Variants in DLC1 observed in about 807,000 individuals in gnomAD.
DLC1 encodes rho GTPase-activating protein 7.
Under a neutral mutation model 140.3 loss-of-function variants are expected in DLC1, and 54 were observed. That is an observed-to-expected ratio of 0.38 (90% CI 0.31 to 0.48). The LOEUF is 0.48. Among genes scored for constraint, DLC1 ranks in the 20% least tolerant of loss-of-function variants. The pLI is 0.96. For missense variants in DLC1, 2,536 were observed against 1,907.0 expected, an observed-to-expected ratio of 1.33 and a Z score of -6.14; for synonymous variants, 986 against 728.1, an observed-to-expected ratio of 1.35 and a Z score of -5.70.
intron 2 of DLC1, among the ~76,000 whole-genome samples, chr8:13,431,511 A>AAAAAAAAAAAAAAAAAC (rs1838868253): frequency 7.6e-6 from 1 of 132,092 alleles, no homozygotes; most frequent in African/African-American, 2.8e-5. Flanking sequence ...AAAAAAAAAA[A>AAAAAAAAAAAAAAAAAC]AAAAGAAAAG....
At chr8:13,413,478 CTCTG>C (rs1837899455) in intron 2 of DLC1, among the ~76,000 whole-genome samples, 1 of 125,482 alleles carries the variant, frequency 8.0e-6, no homozygotes, top group African/African-American at 2.8e-5. Flanking sequence ...AAAATTATTT[CTCTG>C]TGTGTGTGTG....
At chr8:13,554,408 C>A (rs1585269105) in intron 1 of DLC1, among the ~76,000 whole-genome samples, 1 of 152,108 alleles carries the variant, frequency 6.6e-6, no homozygotes, top group Non-Finnish European at 1.5e-5. Context: ...CTTCTAGGTT[C>A]CTCCCCTTGG....
intron 1 of DLC1, among the ~76,000 whole-genome samples, chr8:13,555,316 C>G (rs113959830): frequency 3.9e-5 from 6 of 152,072 alleles, no homozygotes; most frequent in African/African-American, 1.2e-4. Flanking sequence ...ATGAGGACAG[C>G]CTTTCTTGTA....
chr8:13,431,482 CAAAAAAAAAAAAA>C (rs56057254), intron 2 of DLC1, among the ~76,000 whole-genome samples: 20 of 40,602 alleles, frequency 4.9e-4, no homozygotes, highest in South Asian at 1.5e-3. Context: ...GACTCCGTCT[CAAAAAAAAAAAAA>C]AAAAAAAAAA....
In DLC1 at chr8:13,499,105, C is replaced by A. The variant is rs1327528566; in HGVS notation, c.967G>T (p.Glu323Ter). Residue 323 changes from glutamate to a stop codon, truncating the protein, a stop_gained, in exon 2 of 18, where the codon GAG becomes TAG. Coordinates refer to ENST00000276297, the MANE Select transcript of DLC1 (RefSeq NM_182643.3). LOFTEE classifies it high-confidence loss of function. ...GTGGGTTCCTGGGTGGCCAGGGTCT[C>A]CTTTAATTGTAAACACTGCATGCCA... is the stretch of plus-strand genomic sequence containing the variant. ...EDGMQCLQLK[E>*]TLATQEPTDN... 14 of 1,614,010 alleles carry A rather than the reference C, an allele frequency of 8.7e-6. No homozygotes were observed. Among genetic ancestry groups the A allele is most frequent in the Non-Finnish European group, 1.1e-5 (13 of 1,180,004 alleles).
At chr8:13,261,670 T>C (rs1348901738) in intron 5 of DLC1, among the ~76,000 whole-genome samples, 2 of 152,004 alleles carry the variant, frequency 1.3e-5, no homozygotes, top group East Asian at 1.9e-4. Flanking sequence ...AGCGTCTAGA[T>C]GCATTTGCAG....
intron 5 of DLC1, among the ~76,000 whole-genome samples, chr8:13,155,509 T>A (rs1824190277): frequency 6.6e-6 from 1 of 152,118 alleles, no homozygotes; most frequent in Non-Finnish European, 1.5e-5. Flanking sequence ...TTCACCAAAG[T>A]AGGTATCTTC....
intron 10 of DLC1, among the ~76,000 whole-genome samples, chr8:13,098,111 G>A (rs1471593898): frequency 6.8e-6 from 1 of 146,060 alleles, no homozygotes; most frequent in Non-Finnish European, 1.5e-5. Flanking sequence ...CAGGAGTCCA[G>A]CCACTCTGGA....
intron 1 of DLC1, among the ~76,000 whole-genome samples, chr8:13,598,468 G>A (rs1186071490): frequency 2.0e-5 from 3 of 152,004 alleles, no homozygotes; most frequent in Non-Finnish European, 2.9e-5. Context: ...GGTTAAATAG[G>A]ATATAGGAGT....
rs1355906460 is a variant in DLC1, at chr8:13,453,556, A to ATATAT, written c.1023+45492_1023+45493insATATA. Among the ~76,000 whole-genome samples, 167 of 26,898 alleles carry ATATAT rather than the reference A, an allele frequency of 6.2e-3. 4 individuals are homozygous for ATATAT. The highest frequency in any genetic ancestry group is 9.2e-3 in the Non-Finnish European group (139 of 15,068). 17.6% of individuals were successfully genotyped at this position (26,898 alleles called of 152,430 possible). A position where few individuals can be genotyped will look rare whatever the true frequency, so the allele number is the denominator to read the frequency against. The stretch of plus-strand genomic sequence containing the variant: ...TATATATACATATATATATATATAT[A>ATATAT]TTTTTTTTTTTTTTTTTTCAGATAG... On this transcript the variant is annotated intron_variant, in intron 2 of 17. Coordinates refer to ENST00000276297, the MANE Select transcript of DLC1 (RefSeq NM_182643.3).
chr8:13,460,566 A>G (rs1799612349), intron 2 of DLC1, among the ~76,000 whole-genome samples: 1 of 152,200 alleles, frequency 6.6e-6, no homozygotes, highest in Admixed American at 6.5e-5. Context: ...GTGTCACCCT[A>G]AAGGGTATGA....
intron 5 of DLC1, among the ~76,000 whole-genome samples, chr8:13,248,043 T>C (rs1393890448): frequency 1.3e-5 from 2 of 152,228 alleles, no homozygotes; most frequent in Non-Finnish European, 2.9e-5. Context: ...TGCAAGTTAT[T>C]TGGAACTGAA....
At chr8:13,338,362 G>T (rs1236311931) in intron 4 of DLC1, among the ~76,000 whole-genome samples, 4 of 152,132 alleles carry the variant, frequency 2.6e-5, no homozygotes, top group Non-Finnish European at 4.4e-5. Flanking sequence ...GCTGTAGCTG[G>T]CACCCTAGCT....
chr8:13,259,907 A>AG lies in DLC1; in HGVS notation c.1348+45361_1348+45362insC, dbSNP rs140367440. Among the ~76,000 whole-genome samples, 544 of 152,342 alleles carry AG rather than the reference A, an allele frequency of 3.6e-3. 3 individuals are homozygous for AG. Among genetic ancestry groups the AG allele is most frequent in the African/African-American group, 0.012 (512 of 41,558 alleles). On this transcript the variant is annotated intron_variant, in intron 5 of 17. Coordinates refer to ENST00000276297, the MANE Select transcript of DLC1 (RefSeq NM_182643.3). The stretch of plus-strand genomic sequence containing the variant: ...AATAAGCATGTAATTACAAACTTAA[A>AG]AAAATCAGTAAGTGCTATAAGACTT...
intron 5 of DLC1, among the ~76,000 whole-genome samples, chr8:13,187,137 C>T (rs1826419364): frequency 2.4e-5 from 3 of 125,908 alleles, no homozygotes; most frequent in African/African-American, 2.8e-5. Context: ...TCCTCCCCAC[C>T]TCTTCCCTGC....
chr8:13,203,589 GT>G lies in DLC1; in HGVS notation c.1349-87933del, dbSNP rs752332139. Among the ~76,000 whole-genome samples, 21 of 152,304 alleles carry G rather than the reference GT, an allele frequency of 1.4e-4. No individual in the cohort carries two copies. The East Asian group carries it at 3.1e-3, about 22-fold the overall frequency. ...TCTGGTGACACGTCTGGACAGAAGTGTTTTGATAGACTAGTTTTCCATCCTC... is the reference window on the plus strand; with the variant it reads ...TCTGGTGACACGTCTGGACAGAAGTGTTTGATAGACTAGTTTTCCATCCTC... On this transcript the variant is annotated intron_variant, in intron 5 of 17. Transcript: ENST00000276297.
chr8:13,377,704 C>T (rs1836064935), intron 4 of DLC1, among the ~76,000 whole-genome samples: 1 of 152,034 alleles, frequency 6.6e-6, no homozygotes, highest in Non-Finnish European at 1.5e-5. Flanking sequence ...CATGAAACGT[C>T]TTCTGTGGAT....
chr8:13,190,694 G>T (rs1826698796), intron 5 of DLC1, among the ~76,000 whole-genome samples: 1 of 152,084 alleles, frequency 6.6e-6, no homozygotes, highest in African/African-American at 2.4e-5. Flanking sequence ...TGTGGGCTGT[G>T]GGATCAGAAG....
intron 4 of DLC1, among the ~76,000 whole-genome samples, chr8:13,363,091 GGGGGA>G (rs1294937461): frequency 2.4e-4 from 37 of 152,194 alleles, no homozygotes; most frequent in African/African-American, 8.9e-4. Flanking sequence ...TACACTTTGT[GGGGGA>G]TGTAAACATT....
Sources: gnomAD v4.1 joint callset for allele counts (sites outside exome capture counted in the v4.1 genomes callset) on GRCh38, gnomAD v4.1.1 for gene constraint, MANE v1.5 for transcripts, NCBI Gene and HGNC (gene_info 2026-07-23, HGNC 2026-07-21) for gene names.